Variants in HHAT observed in about 807,000 individuals in gnomAD.
The protein encoded by HHAT is hedgehog acyltransferase, also known as protein-cysteine N-palmitoyltransferase HHAT.
HHAT carries 47 observed loss-of-function variants against 70.8 expected under a neutral mutation model. The observed-to-expected ratio is 0.66, with a 90% CI of 0.53 to 0.85. The LOEUF (loss-of-function observed/expected upper bound fraction) is 0.85, where lower values mean the gene tolerates loss of function less well. HHAT is among the 40% of genes least tolerant of loss of function. The pLI, the probability that HHAT is intolerant of heterozygous loss-of-function variation, is 0.00. For missense variants in HHAT, 609 were observed against 604.8 expected, an observed-to-expected ratio of 1.01 and a Z score of -0.07; for synonymous variants, 228 against 247.6, an observed-to-expected ratio of 0.92 and a Z score of 0.74.
At chr1:210,441,101 A>G (rs574695692) in intron 7 of HHAT, among the ~76,000 whole-genome samples, 1 of 151,500 alleles carries the variant, frequency 6.6e-6, no homozygotes, top group South Asian at 2.1e-4. Context: ...GCTGCCACTA[A>G]TGTCACTGCC....
At chr1:210,515,760 A>C (rs78297369) in intron 9 of HHAT, among the ~76,000 whole-genome samples, 3 of 148,610 alleles carry the variant, frequency 2.0e-5, no homozygotes, top group Admixed American at 6.7e-5. Context: ...TCCGTCTCAA[A>C]AAAAAAAAAA....
At chr1:210,545,255 A>T (rs1263760849) in intron 9 of HHAT, among the ~76,000 whole-genome samples, 2 of 152,050 alleles carry the variant, frequency 1.3e-5, no homozygotes, top group Non-Finnish European at 2.9e-5. Context: ...TGCATTAGTC[A>T]TCCCTCACTC....
intron 8 of HHAT, 74 bp downstream of exon 8, chr1:210,464,729 G>T: frequency 1.3e-6 from 2 of 1,515,304 alleles, no homozygotes; most frequent in Middle Eastern, 2.2e-4. Context: ...GCCTCAAAGG[G>T]TTCGGGCTAC....
chr1:210,360,901 TGTG>T (rs974757229), intron 2 of HHAT, among the ~76,000 whole-genome samples: 1 of 148,866 alleles, frequency 6.7e-6, no homozygotes, highest in African/African-American at 2.5e-5. Context: ...AAATTTTAAG[TGTG>T]GTTCGTGTTC....
intron 8 of HHAT, among the ~76,000 whole-genome samples, chr1:210,480,663 C>A (rs2148485023): frequency 6.6e-6 from 1 of 152,290 alleles, no homozygotes; most frequent in East Asian, 1.9e-4. Context: ...CTACAGTCTG[C>A]CTCTAGAAAC....
chr1:210,423,354 C>T (rs1365730790), intron 7 of HHAT, among the ~76,000 whole-genome samples: 1 of 151,980 alleles, frequency 6.6e-6, no homozygotes, highest in Non-Finnish European at 1.5e-5. Context: ...TATTTATTGA[C>T]CATTTCTTTT....
intron 9 of HHAT, among the ~76,000 whole-genome samples, chr1:210,564,850 G>A (rs895869137): frequency 3.9e-5 from 6 of 152,216 alleles, no homozygotes; most frequent in African/African-American, 1.4e-4. Flanking sequence ...ACTGCAACAG[G>A]TTAAGGAAGA....
intron 9 of HHAT, among the ~76,000 whole-genome samples, chr1:210,558,981 G>C (rs4845053): frequency 0.067 from 10,160 of 152,230 alleles, 629 homozygotes; most frequent in East Asian, 0.3. Flanking sequence ...ATATCAATTA[G>C]TGACTCATGG....
chr1:210,400,854 G>GC (rs2092035162), intron 5 of HHAT, among the ~76,000 whole-genome samples, 192 bp downstream of exon 5: 1 of 152,238 alleles, frequency 6.6e-6, no homozygotes, highest in African/African-American at 2.4e-5. Context: ...TCCTGGCTGT[G>GC]TTTTAGCCCT....
rs182745402 is a variant in HHAT, at chr1:210,421,667, A to G, written c.856+3342A>G. 6.0e-5 allele frequency among the ~76,000 whole-genome samples: 9 copies of G among 151,008 alleles called. No homozygotes were observed. The East Asian group carries it at 1.7e-3, about 29-fold the overall frequency. On this transcript the variant is annotated intron_variant, in intron 7 of 11. Coordinates refer to ENST00000261458, the MANE Select transcript of HHAT (RefSeq NM_018194.6). The stretch of plus-strand genomic sequence containing the variant: ...ACCATGTTGGCCAGGCTGGTCTTGA[A>G]CTCCTGACCTCAAGTGATCCACCCA...
intron 8 of HHAT, among the ~76,000 whole-genome samples, chr1:210,501,383 G>A (rs1450215906): frequency 6.6e-6 from 1 of 152,194 alleles, no homozygotes. Context: ...TGCTTCATCG[G>A]TTGCATTGGA....
At chr1:210,550,611 T>A (rs2095519973) in intron 9 of HHAT, among the ~76,000 whole-genome samples, 1 of 148,986 alleles carries the variant, frequency 6.7e-6, no homozygotes, top group Non-Finnish European at 1.5e-5. Flanking sequence ...AAGGAGATAC[T>A]GTTAACCCCA....
At position 210,675,302 on chromosome 1, in the gene HHAT, GATAATCTACA is replaced by G. The variant is rs1680936922; in HGVS notation, c.*924_*933del. 6.6e-6 allele frequency: 1 copy of G among 152,180 alleles called. No homozygotes were observed. The highest frequency in any genetic ancestry group is 1.5e-5 in the Non-Finnish European group (1 of 68,042). The allele number at this position is 152,180 out of a possible 1,614,324, so 9.4% of individuals were successfully genotyped here. On this transcript the variant is annotated 3_prime_UTR_variant, in exon 12 of 12. Coordinates refer to ENST00000261458, the MANE Select transcript of HHAT (RefSeq NM_018194.6). ...CAAACAGAGCCTTTTCTGTCCTGTA[GATAATCTACA>G]TGTTTGTAGAATTATTTTGAATATG...
intron 10 of HHAT, among the ~76,000 whole-genome samples, chr1:210,619,755 C>G (rs570543348): frequency 0.048 from 1,503 of 31,346 alleles, 13 homozygotes; most frequent in Non-Finnish European, 0.1. Context: ...GATAGTGCCA[C>G]TCTCATTTTT....
chr1:210,571,674 C>T (rs1219406083), intron 9 of HHAT, among the ~76,000 whole-genome samples: 1 of 152,152 alleles, frequency 6.6e-6, no homozygotes, highest in Non-Finnish European at 1.5e-5. Flanking sequence ...GGGAGCCTTC[C>T]AAGCAAGTGA....
chr1:210,503,183 C>G (rs2094792495), intron 8 of HHAT, among the ~76,000 whole-genome samples: 1 of 152,190 alleles, frequency 6.6e-6, no homozygotes, highest in Non-Finnish European at 1.5e-5. Context: ...TGGTCTCGAA[C>G]TCCTGGCCTA....
At chr1:210,384,366 G>C (rs1365761697) in intron 3 of HHAT, among the ~76,000 whole-genome samples, 1 of 152,178 alleles carries the variant, frequency 6.6e-6, no homozygotes, top group African/African-American at 2.4e-5. Context: ...ATGGTACGGG[G>C]CGGGCTGAGC....
At position 210,575,244 on chromosome 1, in the gene HHAT, G is replaced by A. The variant is rs12093165; in HGVS notation, c.1044-12654G>A. 5.5e-3 allele frequency among the ~76,000 whole-genome samples: 833 copies of A among 151,632 alleles called. 2 individuals are homozygous for A. The highest frequency in any genetic ancestry group is 0.018 in the African/African-American group (762 of 41,278). ...TCTGGCTTTTAGTACCCCCTACCCC[G>A]CCCCCACCTTTTCCTTTGGCCTAGG... On this transcript the variant is annotated intron_variant, in intron 9 of 11. Coordinates refer to ENST00000261458, the MANE Select transcript of HHAT (RefSeq NM_018194.6).
intron 9 of HHAT, among the ~76,000 whole-genome samples, chr1:210,526,974 C>T (rs576042165): frequency 1.3e-5 from 2 of 152,166 alleles, no homozygotes; most frequent in South Asian, 4.2e-4. Context: ...GATCTTTGAC[C>T]CCAGTTCCTG....
Sources: allele counts gnomAD v4.1 joint callset (sites outside exome capture counted in the v4.1 genomes callset), GRCh38; gene constraint gnomAD v4.1.1; transcripts MANE v1.5; gene names NCBI Gene and HGNC (gene_info 2026-07-23, HGNC 2026-07-21).